SORBS2: variants seen among roughly 807,000 people sequenced by gnomAD.
SORBS2 encodes sorbin and SH3 domain containing 2, also known as sorbin and SH3 domain-containing protein 2.
Under a neutral mutation model 97.7 loss-of-function variants are expected in SORBS2, and 46 were observed. That is an observed-to-expected ratio of 0.47 (90% confidence interval 0.37 to 0.60). SORBS2 has a LOEUF of 0.60. Among genes scored for constraint, SORBS2 ranks in the 20% least tolerant of loss-of-function variants. The probability of loss-of-function intolerance (pLI) is 0.00; values close to 1 mark genes in which losing one functional copy is unlikely to be tolerated. For synonymous variants in SORBS2, 476 were observed against 473.4 expected (o/e 1.01, Z -0.07); for missense variants, 1,316 against 1,282.3 (o/e 1.03, Z -0.40).
chr4:185,664,448 G>C (rs1008431291), intron 4 of SORBS2, among the ~76,000 whole-genome samples: 1 of 152,022 alleles, frequency 6.6e-6, no homozygotes, highest in African/African-American at 2.4e-5. Context: ...TCTTTTTTTG[G>C]TTAAAGGTCC....
At chr4:185,597,424 TA>T (rs75530948) in intron 12 of SORBS2, among the ~76,000 whole-genome samples, 10 of 151,124 alleles carry the variant, frequency 6.6e-5, no homozygotes, top group Middle Eastern at 3.5e-3. Flanking sequence ...CTCGGTCACG[TA>T]AAAAAAAATA....
chr4:185,656,440 CT>C (rs35080375), intron 1 of SORBS2, among the ~76,000 whole-genome samples: 19,112 of 140,824 alleles, frequency 0.14, 1,316 homozygotes, highest in Middle Eastern at 0.2. Context: ...CTTACCACGG[CT>C]TTTTTTTTTT....
chr4:185,757,524 AT>A (rs2098838421), intron 2 of SORBS2, among the ~76,000 whole-genome samples: 1 of 152,240 alleles, frequency 6.6e-6, no homozygotes, highest in African/African-American at 2.4e-5. Context: ...GAATGCCTGT[AT>A]AACATAATTT....
chr4:185,954,039 T>G (rs2099278465), intron 1 of SORBS2, among the ~76,000 whole-genome samples: 2 of 152,254 alleles, frequency 1.3e-5, no homozygotes, highest in African/African-American at 4.8e-5. Context: ...TGATGCTAAC[T>G]TTATTTTTAA....
At chr4:185,595,259 G>A (rs2096058445) in intron 12 of SORBS2, among the ~76,000 whole-genome samples, 1 of 152,144 alleles carries the variant, frequency 6.6e-6, no homozygotes, top group Non-Finnish European at 1.5e-5. Context: ...TCTGTGGATA[G>A]AATATTTAAA....
At position 185,672,730 on chromosome 4, in the gene SORBS2, TG is replaced by T. The variant is rs369056715; in HGVS notation, c.-46+5692del. ...ACACTGAAATGTACTTTTCACATCTTGGTGTACTTTTATCGCTTGGACCTGC... is the reference window on the plus strand; with the variant it reads ...ACACTGAAATGTACTTTTCACATCTTGTGTACTTTTATCGCTTGGACCTGC... On this transcript the variant is annotated intron_variant, in intron 4 of 20. Transcript: ENST00000284776. Among the ~76,000 whole-genome samples the T allele has an allele frequency of 7.2e-5, 11 of 152,344 alleles. No individual in the cohort carries two copies. In the South Asian group the frequency reaches 2.1e-3, roughly 29 times the overall value.
chr4:185,603,105 T>A (rs1305297427), intron 12 of SORBS2, among the ~76,000 whole-genome samples: 1 of 152,226 alleles, frequency 6.6e-6, no homozygotes, highest in African/African-American at 2.4e-5. Flanking sequence ...AGAATTTTGT[T>A]CTTGCAGAAG....
intron 1 of SORBS2, among the ~76,000 whole-genome samples, chr4:185,777,458 A>C (rs2099005553): frequency 6.6e-6 from 1 of 152,196 alleles, no homozygotes; most frequent in South Asian, 2.1e-4. Flanking sequence ...ATACCAAAAA[A>C]GGGTATAATG....
rs1294018934 is a variant in SORBS2, at chr4:185,638,994, A to G, written c.396+7674T>C. The G allele has an allele frequency of 2.6e-6, 4 of 1,524,502 alleles. No homozygotes were observed. The East Asian group carries it at 8.0e-5, about 31-fold the overall frequency. 94.4% of individuals were successfully genotyped at this position (1,524,502 alleles called of 1,614,324 possible). Reference sequence around the variant, plus strand: ...GGGAGCTAGAAAGAGGCTTCCGGCCAGGTTCCCTTGGAACAGGTGTCGGAG... The same window carrying G: ...GGGAGCTAGAAAGAGGCTTCCGGCCGGGTTCCCTTGGAACAGGTGTCGGAG... On this transcript the variant is annotated intron_variant, in intron 4 of 14. Transcript: ENST00000418609.
intron 1 of SORBS2, among the ~76,000 whole-genome samples, chr4:185,895,193 G>A (rs530281107): frequency 6.6e-6 from 1 of 152,336 alleles, no homozygotes; most frequent in South Asian, 2.1e-4. Context: ...ATGAGTGACA[G>A]GGCAAGCCCT....
chr4:185,818,206 T>C (rs2099194483), intron 1 of SORBS2, among the ~76,000 whole-genome samples: 1 of 152,180 alleles, frequency 6.6e-6, no homozygotes, highest in African/African-American at 2.4e-5. Context: ...TTGTTTGTTT[T>C]TGAGATGGAG....
intron 2 of SORBS2, among the ~76,000 whole-genome samples, chr4:185,763,593 C>A (rs2098917025): frequency 6.6e-6 from 1 of 152,216 alleles, no homozygotes; most frequent in Admixed American, 6.5e-5. Context: ...TCCTGTGGAT[C>A]TGTCTTATGT....
intron 1 of SORBS2, among the ~76,000 whole-genome samples, chr4:185,828,364 C>G (rs2099203129): frequency 6.6e-6 from 1 of 152,088 alleles, no homozygotes; most frequent in South Asian, 2.1e-4. Context: ...GAGACAGACT[C>G]ACTTGTGAGC....
intron 1 of SORBS2, among the ~76,000 whole-genome samples, chr4:185,941,160 G>A (rs999082140): frequency 3.3e-5 from 5 of 152,166 alleles, no homozygotes; most frequent in East Asian, 3.9e-4. Context: ...ACCACGTGCC[G>A]GACACCATTC....
chr4:185,889,263 C>A (rs1273111399), intron 1 of SORBS2, among the ~76,000 whole-genome samples: 1 of 152,126 alleles, frequency 6.6e-6, no homozygotes, highest in African/African-American at 2.4e-5. Flanking sequence ...TTCTTCTAAA[C>A]TGAAAAACAG....
chr4:185,736,852 T>C (rs576737900), intron 2 of SORBS2, among the ~76,000 whole-genome samples: 5 of 152,280 alleles, frequency 3.3e-5, no homozygotes, highest in East Asian at 1.9e-4. Flanking sequence ...TAGTCCATAG[T>C]TGGGGAGACT....
intron 4 of SORBS2, among the ~76,000 whole-genome samples, chr4:185,633,181 T>C (rs1009981616): frequency 6.6e-6 from 1 of 152,328 alleles, no homozygotes; most frequent in Non-Finnish European, 1.5e-5. Context: ...TTTCCAGTTA[T>C]GGATTAAAAT....
intron 1 of SORBS2, among the ~76,000 whole-genome samples, chr4:185,842,946 A>AATT (rs1217389370): frequency 6.6e-6 from 1 of 151,686 alleles, no homozygotes; most frequent in Non-Finnish European, 1.5e-5. Flanking sequence ...AAAAAAAAAA[A>AATT]AAATTAAATT....
At chr4:185,867,853 T>C (rs1420095009) in intron 1 of SORBS2, among the ~76,000 whole-genome samples, 1 of 152,020 alleles carries the variant, frequency 6.6e-6, no homozygotes, top group South Asian at 2.1e-4. Flanking sequence ...CACCTACACC[T>C]CGAGGGGGCA....
Sources: allele counts gnomAD v4.1 joint callset (sites outside exome capture counted in the v4.1 genomes callset), GRCh38; gene constraint gnomAD v4.1.1; transcripts MANE v1.5; gene names NCBI Gene and HGNC (gene_info 2026-07-23, HGNC 2026-07-21).